DBH: variants seen among roughly 807,000 people sequenced by gnomAD.
DBH encodes the protein dopamine beta-hydroxylase (dopamine beta-monooxygenase).
Under a neutral mutation model 64.0 loss-of-function variants are expected in DBH, and 49 were observed. The ratio of observed to expected loss-of-function variants is 0.77; its 90% CI spans 0.61 to 0.97. DBH has a LOEUF of 0.97. Ranked by LOEUF, DBH falls within the 50% of genes least tolerant of loss-of-function variation. The pLI is 0.00. For missense variants in DBH, 828 were observed against 826.6 expected (o/e 1.00, Z -0.02); for synonymous variants, 343 against 347.1 (o/e 0.99, Z 0.13).
At chr9:133,648,418 C>T (rs1407917761) in intron 6 of DBH, among the ~76,000 whole-genome samples, 1 of 152,230 alleles carries the variant, frequency 6.6e-6, no homozygotes, top group East Asian at 1.9e-4. Flanking sequence ...TTGTGTCCTT[C>T]CAGACCTTTT....
Position 133,652,930 on chromosome 9 carries a change from T to C in DBH, c.1375-10T>C. 1 of 1,612,422 alleles carries C rather than the reference T, an allele frequency of 6.2e-7. No homozygotes were observed. The highest frequency in any genetic ancestry group is 8.5e-7 in the Non-Finnish European group (1 of 1,178,912). ...GGCAGGTGCTGATGGTCACATTGGC[T>C]TTTCCTCAGGGAGATGTGCTCATCA... On this transcript the variant is annotated splice_polypyrimidine_tract_variant and intron_variant, in intron 8 of 11. Transcript: ENST00000393056.
chr9:133,656,430 G>A (rs577192491), intron 9 of DBH, 93 bp from the exon 10 acceptor site: 4 of 1,559,560 alleles, frequency 2.6e-6, no homozygotes, highest in East Asian at 2.3e-5. Flanking sequence ...ACAGACGAGT[G>A]GACGCAGTGT....
At chr9:133,651,044 A>G (rs1018292087) in intron 6 of DBH, among the ~76,000 whole-genome samples, 3 of 152,198 alleles carry the variant, frequency 2.0e-5, no homozygotes, top group Non-Finnish European at 2.9e-5. Context: ...TTGGTCCTGG[A>G]TGACCACCTT....
At chr9:133,645,241 G>T (rs1012404281) in intron 5 of DBH, among the ~76,000 whole-genome samples, 33 of 147,374 alleles carry the variant, frequency 2.2e-4, no homozygotes, top group African/African-American at 7.5e-4. Context: ...GTCGCCTGTG[G>T]TTTTTTTTTT....
chr9:133,636,741 AC>A, intron 1 of DBH, 31 bp downstream of exon 1: 1 of 1,578,872 alleles, frequency 6.3e-7, no homozygotes, highest in Non-Finnish European at 8.6e-7. Flanking sequence ...AGCTCTCCAA[AC>A]CCTTCCTGAC....
chr9:133,648,044 CCCT>C, intron 6 of DBH, 32 bp downstream of exon 6: 1 of 1,596,730 alleles, frequency 6.3e-7, no homozygotes, highest in South Asian at 1.1e-5. Flanking sequence ...ACTGCACCCT[CCCT>C]CCTCCCGCGT....
chr9:133,638,369 C>A (rs954979211), intron 1 of DBH, among the ~76,000 whole-genome samples: 1 of 152,184 alleles, frequency 6.6e-6, no homozygotes, highest in African/African-American at 2.4e-5. Flanking sequence ...TTGCAGATTT[C>A]TTTTTTCTCA....
At chr9:133,651,240 G>GAGGCCACTTGCTTTTCC (rs1162884883) in intron 6 of DBH, among the ~76,000 whole-genome samples, 5 of 152,396 alleles carry the variant, frequency 3.3e-5, no homozygotes, top group Non-Finnish European at 1.5e-5. Flanking sequence ...TGGACAGCAA[G>GAGGCCACTTGCTTTTCC]CTCTTCAGCA....
Position 133,657,456 on chromosome 9 carries a change from G to C in DBH, c.1722+227G>C, listed in dbSNP as rs936222205. The C allele has an allele frequency of 1.8e-3, 951 of 540,398 alleles. 38 individuals carry two copies. The East Asian group carries it at 0.025, about 14-fold the overall frequency. The allele number at this position is 540,398 out of a possible 1,614,324, so 33.5% of individuals were successfully genotyped here. ...GAGGAGAGAGAGGAGAGAGAGGAGA[G>C]AGGGAGAGGGAGAGAGGGAGAGGGA... On this transcript the variant is annotated intron_variant, in intron 11 of 11. Coordinates refer to ENST00000393056, the MANE Select transcript of DBH (RefSeq NM_000787.4).
At chr9:133,640,945 G>C (rs529932064) in intron 2 of DBH, among the ~76,000 whole-genome samples, 49 of 152,342 alleles carry the variant, frequency 3.2e-4, no homozygotes, top group African/African-American at 1.2e-3. Flanking sequence ...CTGGGTGGCC[G>C]GGGTGGTCTC....
intron 9 of DBH, 26 bp from the exon 10 acceptor site, chr9:133,656,497 G>A (rs1832321155): frequency 3.7e-6 from 6 of 1,613,488 alleles, no homozygotes; most frequent in Non-Finnish European, 5.1e-6. Context: ...ATGGCCCGGG[G>A]CTGACGGGTC....
chr9:133,653,573 C>T (rs1188633489), intron 9 of DBH, among the ~76,000 whole-genome samples: 2 of 151,986 alleles, frequency 1.3e-5, no homozygotes, highest in African/African-American at 4.8e-5. Context: ...GCAGGGGCTG[C>T]GTGCGGGAAG....
At chr9:133,652,875 C>A in intron 8 of DBH, 65 bp from the exon 9 acceptor site, 1 of 1,188,136 alleles carries the variant, frequency 8.4e-7, no homozygotes, top group Non-Finnish European at 1.3e-6. Context: ...CCTATGGGGG[C>A]GAGGCCTCCA....
At chr9:133,653,770 G>C (rs1056029175) in intron 9 of DBH, among the ~76,000 whole-genome samples, 7 of 152,176 alleles carry the variant, frequency 4.6e-5, no homozygotes, top group Admixed American at 3.9e-4. Flanking sequence ...ACCAGGACAC[G>C]GGCAGCCACG....
At position 133,643,594 on chromosome 9, in the gene DBH, G is replaced by T. The variant is rs780442080; in HGVS notation, c.921+5G>T. 1.2e-6 allele frequency: 2 copies of T among 1,613,058 alleles called. No individual in the cohort carries two copies. The highest frequency in any genetic ancestry group is 1.7e-6 in the Non-Finnish European group (2 of 1,179,838). On this transcript the variant is annotated splice_donor_5th_base_variant and intron_variant, in intron 4 of 11. Coordinates refer to ENST00000393056, the MANE Select transcript of DBH (RefSeq NM_000787.4). This position sits in a 1 kb window ranked among gnomAD's most constrained non-coding sequence, Gnocchi z 5.3. ...GCCTGGGCCCTGGGTGCCAAGGTGC[G>T]TGCCCTGCGACCCCAGCATGGTGTC... is the stretch of plus-strand genomic sequence containing the variant.
intron 9 of DBH, among the ~76,000 whole-genome samples, chr9:133,654,097 G>GTTTAT (rs909417861): frequency 2.6e-4 from 32 of 122,428 alleles, no homozygotes; most frequent in African/African-American, 8.8e-4. Flanking sequence ...ACTGCCAGTG[G>GTTTAT]TTTATTTTAT....
chr9:133,658,290 T>C, intron 11 of DBH, 26 bp from the exon 12 acceptor site: 1 of 1,612,988 alleles, frequency 6.2e-7, no homozygotes, highest in Non-Finnish European at 8.5e-7. Flanking sequence ...CCAGCCTCAG[T>C]TTACCTCCTG....
chr9:133,649,617 C>T (rs768430221), intron 6 of DBH, among the ~76,000 whole-genome samples: 3 of 152,226 alleles, frequency 2.0e-5, no homozygotes, highest in Non-Finnish European at 2.9e-5. Context: ...AGCTCTCAGC[C>T]GGCATGGCAC....
chr9:133,658,325 A>G lies in DBH; in HGVS notation c.1732A>G (p.Asn578Asp). Residue 578 changes from asparagine to aspartate, a missense_variant, in exon 12 of 12, where the codon AAC (asparagine) becomes GAC (aspartate). By Grantham distance (23) the Asn-to-Asp change is conservative. Transcript: ENST00000393056. ...GCCCCCTTCCTTGCAGGGTGAATGGAACCTGCAGCCCCTGCCCAAGGTCAT... is the reference window on the plus strand; with the variant it reads ...GCCCCCTTCCTTGCAGGGTGAATGGGACCTGCAGCCCCTGCCCAAGGTCAT... The part of the protein sequence containing the change: ...SSAVRFQGEW[N>D]LQPLPKVIST... 1 of 1,613,812 alleles carries G rather than the reference A, an allele frequency of 6.2e-7. No homozygotes were observed. Among genetic ancestry groups the G allele is most frequent in the Non-Finnish European group, 8.5e-7 (1 of 1,179,850 alleles).
Sources: allele counts gnomAD v4.1 joint callset (sites outside exome capture counted in the v4.1 genomes callset), GRCh38; gene constraint gnomAD v4.1.1; non-coding constraint Gnocchi (gnomAD v3.1); transcripts MANE v1.5; gene names NCBI Gene and HGNC (gene_info 2026-07-23, HGNC 2026-07-21).